S100Z: variants seen among roughly 807,000 people sequenced by gnomAD.
S100Z encodes protein S100-Z.
Under a neutral mutation model 8.5 loss-of-function variants are expected in S100Z, and 11 were observed. That is an observed-to-expected ratio of 1.30 (90% CI 0.82 to 2.15). The LOEUF is 2.15. Ranked by LOEUF, S100Z falls within the 30% of genes most tolerant of loss-of-function variation. The probability of loss-of-function intolerance (pLI) is 0.00; values close to 1 mark genes in which losing one functional copy is unlikely to be tolerated. For synonymous variants in S100Z, 34 were observed against 43.8 expected (o/e 0.78, Z 0.89); for missense variants, 126 against 117.9 (o/e 1.07, Z -0.32).
rs545671141 is a variant in S100Z, at chr5:76,861,770, C to A, written c.-175-8396C>A. Among the ~76,000 whole-genome samples, 21 of 152,314 alleles carry A rather than the reference C, an allele frequency of 1.4e-4. 1 individual carries two copies. Among genetic ancestry groups the A allele is most frequent in the Admixed American group, 8.5e-4 (13 of 15,304 alleles). On this transcript the variant is annotated intron_variant, in intron 1 of 4. Transcript: ENST00000317593. ...GGTTCAGATCAAGATTCATCTACTT[C>A]ATTTGGCTCAAGAATAAATTTGGGA...
intron 1 of S100Z, among the ~76,000 whole-genome samples, chr5:76,867,127 G>T (rs144243586): frequency 6.6e-6 from 1 of 152,066 alleles, no homozygotes; most frequent in Admixed American, 6.6e-5. Context: ...TAAACTGCAC[G>T]TATTTAAAAT....
intron 1 of S100Z, among the ~76,000 whole-genome samples, chr5:76,861,245 T>C (rs924523247): frequency 2.0e-5 from 3 of 152,178 alleles, no homozygotes; most frequent in South Asian, 2.1e-4. Context: ...TCCTTTGTCC[T>C]GTAGATCTCT....
chr5:76,945,575 CTT>C, the S100Z span, among the ~76,000 whole-genome samples: 1 of 152,242 alleles, frequency 6.6e-6, no homozygotes, highest in African/African-American at 2.4e-5. Context: ...CTCTGCAACT[CTT>C]TACTCCACTG....
the S100Z span, among the ~76,000 whole-genome samples, chr5:76,947,485 T>C: frequency 2.0e-4 from 31 of 152,350 alleles, no homozygotes; most frequent in African/African-American, 7.0e-4. Context: ...TAAAAATAGC[T>C]AAATCCTTTT....
At chr5:76,947,082 T>C in the S100Z span, among the ~76,000 whole-genome samples, 2 of 152,226 alleles carry the variant, frequency 1.3e-5, no homozygotes, top group African/African-American at 4.8e-5. Flanking sequence ...ATGTAAAACT[T>C]AGAATTGTTG....
intron 4 of S100Z, among the ~76,000 whole-genome samples, chr5:76,881,347 C>T (rs919753587): frequency 6.6e-6 from 1 of 152,180 alleles, no homozygotes; most frequent in Non-Finnish European, 1.5e-5. Context: ...AAGGCCTCTA[C>T]CCACCCAGTG....
chr5:76,909,049 C>T (rs775539995), intron 4 of S100Z, among the ~76,000 whole-genome samples: 7 of 152,118 alleles, frequency 4.6e-5, no homozygotes, highest in African/African-American at 9.7e-5. Context: ...TGTTGGTAAG[C>T]GCAACTATTC....
At chr5:76,926,352 G>C (rs1169319335), downstream of S100Z, among the ~76,000 whole-genome samples, 5 of 152,096 alleles carry the variant, frequency 3.3e-5, no homozygotes, top group African/African-American at 1.2e-4. Flanking sequence ...TTTTATGTTT[G>C]TTTCACCAAT....
At chr5:76,943,221 C>A in the S100Z span, among the ~76,000 whole-genome samples, 1 of 152,034 alleles carries the variant, frequency 6.6e-6, no homozygotes, top group East Asian at 1.9e-4. Flanking sequence ...ATTTGAGGAC[C>A]GAAACAGCTA....
chr5:76,850,881 T>A (rs191049918), intron 1 of S100Z, among the ~76,000 whole-genome samples: 4 of 152,116 alleles, frequency 2.6e-5, no homozygotes, highest in Non-Finnish European at 1.5e-5. Flanking sequence ...TGCAGTGGTG[T>A]GATCTCAGCT....
intron 4 of S100Z, among the ~76,000 whole-genome samples, chr5:76,911,822 A>C (rs1744672116): frequency 1.3e-5 from 2 of 152,182 alleles, no homozygotes; most frequent in Admixed American, 6.5e-5. Flanking sequence ...AATACAGCCT[A>C]TACTGGCTTA....
intron 4 of S100Z, among the ~76,000 whole-genome samples, chr5:76,915,810 C>A (rs115527682): frequency 1.9e-4 from 29 of 151,990 alleles, no homozygotes; most frequent in African/African-American, 6.5e-4. Flanking sequence ...AATACAATAA[C>A]GTATGTTGAA....
intron 1 of S100Z, among the ~76,000 whole-genome samples, chr5:76,858,790 T>G (rs917640204): frequency 2.6e-5 from 4 of 152,088 alleles, no homozygotes; most frequent in African/African-American, 9.7e-5. Flanking sequence ...AAGAGAAATA[T>G]CTTAACTTGG....
At chr5:76,924,087 A>G (rs532031874), downstream of S100Z, among the ~76,000 whole-genome samples, 35 of 152,192 alleles carry the variant, frequency 2.3e-4, no homozygotes, top group Non-Finnish European at 4.7e-4. Flanking sequence ...CATATCTCAG[A>G]GGAAGAGATG....
rs746663366 is a variant in S100Z at position 76,901,080 on chromosome 5, G to GTC, written c.*3-19625_*3-19624dup. Among the ~76,000 whole-genome samples the GTC allele has an allele frequency of 1.0e-3, 155 of 149,844 alleles. 1 individual carries two copies. Among genetic ancestry groups the GTC allele is most frequent in the Admixed American group, 2.0e-3 (30 of 15,030 alleles). ...CCTTACTTTCTCCCAAACATACAGA[G>GTC]TCTCTCTCTCTCTGTTCTGAGCCAC... is the stretch of plus-strand genomic sequence containing the variant. On this transcript the variant is annotated intron_variant, in intron 4 of 4. Transcript: ENST00000317593.
chr5:76,927,998 G>A, the S100Z span, among the ~76,000 whole-genome samples: 2 of 152,188 alleles, frequency 1.3e-5, no homozygotes, highest in East Asian at 1.9e-4. Flanking sequence ...CTCTGAGGAC[G>A]TGGGGGTTTG....
In S100Z at chr5:76,898,945, T is replaced by TTC. The variant is rs1365666330; in HGVS notation, c.*2+21112_*2+21113insCT. Among the ~76,000 whole-genome samples the TTC allele has an allele frequency of 3.8e-4, 56 of 148,244 alleles. 1 individual carries two copies. Among genetic ancestry groups the TTC allele is most frequent in the Non-Finnish European group, 7.0e-4 (47 of 66,950 alleles). On this transcript the variant is annotated intron_variant, in intron 4 of 4. Transcript: ENST00000317593. ...GGGCTTTTCTTTTCTTTTTTTTTTTTTTTTTTTGAGACAGAATTTTGCTCT... is the reference window on the plus strand; with the variant it reads ...GGGCTTTTCTTTTCTTTTTTTTTTTTTCTTTTTTTGAGACAGAATTTTGCTCT...
At chr5:76,876,721 A>C (rs1469004703) in intron 3 of S100Z, among the ~76,000 whole-genome samples, 1 of 152,210 alleles carries the variant, frequency 6.6e-6, no homozygotes, top group Non-Finnish European at 1.5e-5. Flanking sequence ...TCAGTAGGTC[A>C]AACTTCGCAC....
chr5:76,907,104 G>A (rs1269491067), intron 4 of S100Z, among the ~76,000 whole-genome samples: 34 of 148,484 alleles, frequency 2.3e-4, no homozygotes, highest in African/African-American at 8.4e-4. Flanking sequence ...GCTATTGAAG[G>A]TTCTTTTTTG....
Sources: gnomAD v4.1 joint callset for allele counts (sites outside exome capture counted in the v4.1 genomes callset) on GRCh38, gnomAD v4.1.1 for gene constraint, MANE v1.5 for transcripts, NCBI Gene and HGNC (gene_info 2026-07-23, HGNC 2026-07-21) for gene names.